The following MYCBP variants were observed in gnomAD, a reference collection of about 807,000 sequenced individuals.
MYCBP encodes C-Myc-binding protein.
In MYCBP, 5 loss-of-function variants were observed where a neutral mutation model predicts 16.8. That is an observed-to-expected ratio of 0.30 (90% confidence interval 0.16 to 0.63). MYCBP has a LOEUF of 0.63. Ranked by LOEUF, MYCBP falls within the 20% of genes least tolerant of loss-of-function variation. The pLI, the probability that MYCBP is intolerant of heterozygous loss-of-function variation, is 0.83. For missense variants in MYCBP, 103 were observed against 121.8 expected, an observed-to-expected ratio of 0.85 and a Z score of 0.73; for synonymous variants, 35 against 43.7, an observed-to-expected ratio of 0.80 and a Z score of 0.79.
At chr1:38,869,541 C>T (rs1238310623) in intron 2 of MYCBP, among the ~76,000 whole-genome samples, 1 of 152,142 alleles carries the variant, frequency 6.6e-6, no homozygotes, top group Non-Finnish European at 1.5e-5. Flanking sequence ...CTGTGCTGTT[C>T]TATAGATGAA....
chr1:38,867,740 T>C (rs1642370421), intron 2 of MYCBP, 130 bp from the exon 3 acceptor site: 1 of 760,824 alleles, frequency 1.3e-6, no homozygotes. Flanking sequence ...TATACAATGC[T>C]GAACAAGACA....
In MYCBP at chr1:38,864,415, T is replaced by C; in HGVS notation, c.*255A>G. 1.4e-5 allele frequency: 7 copies of C among 507,840 alleles called. No individual in the cohort carries two copies. In the South Asian group the frequency reaches 1.5e-4, roughly 11 times the overall value. The allele number at this position is 507,840 out of a possible 1,614,324, so 31.5% of individuals were successfully genotyped here. A position where few individuals can be genotyped will look rare whatever the true frequency, so the allele number is the denominator to read the frequency against. On this transcript the variant is annotated 3_prime_UTR_variant, in exon 5 of 5. Coordinates refer to ENST00000397572, the MANE Select transcript of MYCBP (RefSeq NM_012333.5). ...CCTAATCAGACTAATAAACAGAATG[T>C]CTTTTAAGGTAATGAGTTAGATGGC... is the stretch of plus-strand genomic sequence containing the variant.
intron 2 of MYCBP, among the ~76,000 whole-genome samples, chr1:38,872,179 A>T (rs569742102): frequency 6.6e-6 from 1 of 152,184 alleles, no homozygotes; most frequent in East Asian, 1.9e-4. Flanking sequence ...CCACTTCCCA[A>T]ACTTCCTAGT....
chr1:38,866,220 G>A (rs541330469), intron 4 of MYCBP, among the ~76,000 whole-genome samples: 11 of 149,924 alleles, frequency 7.3e-5, no homozygotes, highest in African/African-American at 2.7e-4. Flanking sequence ...GGCTAATTTT[G>A]TATTTTCAGT....
chr1:38,871,244 G>A (rs932920866), intron 2 of MYCBP, among the ~76,000 whole-genome samples: 5 of 151,946 alleles, frequency 3.3e-5, no homozygotes, highest in African/African-American at 4.8e-5. Context: ...GTCAGTTACC[G>A]CCTACAACTG....
At position 38,864,124 on chromosome 1, in the gene MYCBP, A is replaced by C. The variant is rs1287490761; in HGVS notation, c.*546T>G. Reference sequence around the variant, plus strand: ...AAGGAAAATGTGGTGTCAGAGTTCAAACTGGCACACACACACACAGTTATC... The same window carrying C: ...AAGGAAAATGTGGTGTCAGAGTTCACACTGGCACACACACACACAGTTATC... On this transcript the variant is annotated 3_prime_UTR_variant, in exon 5 of 5. Transcript: ENST00000397572. The C allele has an allele frequency of 1.3e-5, 2 of 153,592 alleles. No individual in the cohort carries two copies. Among genetic ancestry groups the C allele is most frequent in the African/African-American group, 4.8e-5 (2 of 41,472 alleles). 9.5% of individuals were successfully genotyped at this position (153,592 alleles called of 1,614,324 possible).
intron 2 of MYCBP, among the ~76,000 whole-genome samples, chr1:38,872,188 G>T (rs1056935399): frequency 6.6e-6 from 1 of 152,126 alleles, no homozygotes; most frequent in Non-Finnish European, 1.5e-5. Context: ...AAACTTCCTA[G>T]TTTCATATGA....
In MYCBP at chr1:38,867,572, T is replaced by A; in HGVS notation, c.127A>T (p.Ser43Cys). The A allele has an allele frequency of 1.2e-6, 2 of 1,613,714 alleles. No homozygotes were observed. Among genetic ancestry groups the A allele is most frequent in the Non-Finnish European group, 8.5e-7 (1 of 1,179,888 alleles). ...ALYEEPEKPN[S>C]ALDFLKHHLG... ...GACTTGAAAGGATACTCCAAAGCAC[T>A]GTTAGGTTTCTCTGGTTCTTCATAT... The change falls in exon 3 of 5, where the codon AGT becomes TGT. Residue 43 changes from serine to cysteine, a missense_variant. Physicochemically the swap from Ser to Cys is moderately radical, Grantham distance 112 (BLOSUM62 -1). Transcript: ENST00000397572.
intron 2 of MYCBP, among the ~76,000 whole-genome samples, chr1:38,869,451 C>T (rs1354464260): frequency 6.6e-6 from 1 of 152,070 alleles, no homozygotes; most frequent in Admixed American, 6.6e-5. Context: ...ATTCCCCCAC[C>T]CCATTTCTTT....
At chr1:38,866,226 T>C (rs561195730) in intron 4 of MYCBP, among the ~76,000 whole-genome samples, 1 of 151,090 alleles carries the variant, frequency 6.6e-6, no homozygotes, top group East Asian at 2.0e-4. Context: ...TTTTGTATTT[T>C]CAGTAGAGAC....
intron 1 of MYCBP, 42 bp from the exon 2 acceptor site, chr1:38,873,132 G>A (rs374910711): frequency 2.6e-6 from 4 of 1,552,898 alleles, no homozygotes; most frequent in Admixed American, 3.9e-5. Context: ...CCCGGGAGCC[G>A]AGCAGGAAGA....
rs774638461 is a variant in MYCBP at position 38,873,338 on chromosome 1, A to C, written c.-33T>G. ...GCGGCAGCGGCGTAGCTGGCGCCGG[A>C]GACCGCGACTGGCGGGTTGGGAGCA... On this transcript the variant is annotated 5_prime_UTR_variant, in exon 1 of 5. Transcript: ENST00000397572. 6.3e-7 allele frequency: 1 copy of C among 1,598,504 alleles called. No individual in the cohort carries two copies. Among genetic ancestry groups the C allele is most frequent in the African/African-American group, 1.3e-5 (1 of 74,840 alleles).
intron 2 of MYCBP, among the ~76,000 whole-genome samples, chr1:38,869,682 A>C (rs1361163471): frequency 6.6e-6 from 1 of 152,194 alleles, no homozygotes; most frequent in Non-Finnish European, 1.5e-5. Context: ...CAAATGATTT[A>C]TCATCTTTAG....
intron 2 of MYCBP, among the ~76,000 whole-genome samples, chr1:38,870,257 G>A (rs1246116810): frequency 6.6e-6 from 1 of 151,960 alleles, no homozygotes; most frequent in Non-Finnish European, 1.5e-5. Context: ...TGAGGTGGGA[G>A]AATTGCTTGA....
At chr1:38,872,480 CT>C (rs1267324523) in intron 2 of MYCBP, 1 of 153,400 alleles carries the variant, frequency 6.5e-6, no homozygotes, top group African/African-American at 2.4e-5. Flanking sequence ...TGTAATTCTA[CT>C]TTATGAAATA....
In MYCBP at chr1:38,868,643, C is replaced by T. The variant is rs1018260112; in HGVS notation, c.89-1033G>A. Among the ~76,000 whole-genome samples the T allele has an allele frequency of 9.9e-5, 15 of 152,278 alleles. No individual in the cohort carries two copies. The South Asian group carries it at 1.2e-3, about 13-fold the overall frequency. ...AAATGTGGCTGGGCGCAGTGGCTCACACCTGTAATCCCAGCACTTTGGGAG... is the reference window on the plus strand; with the variant it reads ...AAATGTGGCTGGGCGCAGTGGCTCATACCTGTAATCCCAGCACTTTGGGAG... On this transcript the variant is annotated intron_variant, in intron 2 of 4. Transcript: ENST00000397572.
intron 2 of MYCBP, among the ~76,000 whole-genome samples, chr1:38,869,110 T>TA (rs1394837550): frequency 1.3e-5 from 2 of 150,238 alleles, no homozygotes; most frequent in African/African-American, 4.9e-5. Context: ...TTTTTTGAGA[T>TA]AGAGTTTTGC....
chr1:38,866,044 CTTTTTTT>C (rs71057153), intron 4 of MYCBP, among the ~76,000 whole-genome samples: 2 of 65,718 alleles, frequency 3.0e-5, no homozygotes, highest in South Asian at 5.6e-4. Flanking sequence ...CTAAGAACCT[CTTTTTTT>C]TTTTTTTTTT....
chr1:38,867,289 A>T (rs565744624), intron 3 of MYCBP, among the ~76,000 whole-genome samples: 1 of 151,956 alleles, frequency 6.6e-6, no homozygotes, highest in African/African-American at 2.4e-5. Context: ...TACTAAAAAT[A>T]AAAAAAATTA....
Sources: gnomAD v4.1 joint callset for allele counts (sites outside exome capture counted in the v4.1 genomes callset) on GRCh38, gnomAD v4.1.1 for gene constraint, MANE v1.5 for transcripts, NCBI Gene and HGNC (gene_info 2026-07-23, HGNC 2026-07-21) for gene names.